The following MPRIP variants were observed in gnomAD, a reference collection of about 807,000 sequenced individuals.
MPRIP encodes the protein myosin phosphatase Rho interacting protein.
A neutral mutation model predicts 234.9 loss-of-function variants in MPRIP; 59 were observed. The ratio of observed to expected loss-of-function variants is 0.25; its 90% CI spans 0.20 to 0.31. MPRIP has a LOEUF of 0.31. Among genes scored for constraint, MPRIP ranks in the 10% least tolerant of loss-of-function variants. The pLI is 1.00. For missense variants in MPRIP, 2,436 were observed against 3,071.0 expected, an observed-to-expected ratio of 0.79 and a Z score of 4.89; for synonymous variants, 1,144 against 1,263.9, an observed-to-expected ratio of 0.91 and a Z score of 2.01.
chr17:17,185,342 C>G lies in MPRIP; in HGVS notation c.*448C>G. 1 of 368,946 alleles carries G rather than the reference C, an allele frequency of 2.7e-6. No individual in the cohort carries two copies. The allele number at this position is 368,946 out of a possible 1,614,324, so 22.9% of individuals were successfully genotyped here. On this transcript the variant is annotated 3_prime_UTR_variant, in exon 24 of 24. Coordinates refer to ENST00000651222, the MANE Select transcript of MPRIP (RefSeq NM_001364716.4). ...AAGCTATGCGGACACTCCAGCTTGG[C>G]CTGGGTCACAGCACTGACTCCTCAC... is the stretch of plus-strand genomic sequence containing the variant.
chr17:17,141,960 A>C (rs2045333190), intron 7 of MPRIP: 2 of 152,156 alleles, frequency 1.3e-5, no homozygotes, highest in Non-Finnish European at 2.9e-5. Flanking sequence ...TTTGATTTGA[A>C]AAAGCAGCGC....
intron 3 of MPRIP, among the ~76,000 whole-genome samples, chr17:17,102,478 G>A (rs940588299): frequency 2.6e-5 from 4 of 152,258 alleles, no homozygotes; most frequent in African/African-American, 9.6e-5. Flanking sequence ...ATTGTGATGG[G>A]GCAGGTGATC....
chr17:17,180,201 C>T, intron 23 of MPRIP, 113 bp downstream of exon 23: 1 of 938,700 alleles, frequency 1.1e-6, no homozygotes, highest in East Asian at 2.5e-5. Context: ...GCCCCAGGGC[C>T]CAGCACTGAG....
chr17:17,127,152 G>T (rs972055840), intron 4 of MPRIP, among the ~76,000 whole-genome samples: 1 of 152,190 alleles, frequency 6.6e-6, no homozygotes, highest in African/African-American at 2.4e-5. Flanking sequence ...CCTGGAAGGG[G>T]ATCAGTCCCT....
chr17:17,078,391 T>A lies in MPRIP; in HGVS notation c.267+315T>A, dbSNP rs2089384919. Among the ~76,000 whole-genome samples the A allele has an allele frequency of 6.6e-6, 1 of 152,244 alleles. No homozygotes were observed. The highest frequency in any genetic ancestry group is 1.5e-5 in the Non-Finnish European group (1 of 68,036). ...TTAGGGGAAAGCAAGGGCAAAGTCC[T>A]GGATCACGTGTGCAGGCTGTGGACC... On this transcript the variant is annotated intron_variant, in intron 3 of 23. Coordinates refer to ENST00000651222, the MANE Select transcript of MPRIP (RefSeq NM_001364716.4). This position sits in a 1 kb window ranked among gnomAD's most constrained non-coding sequence, Gnocchi z 4.3.
At chr17:17,057,601 C>T (rs949576047) in intron 1 of MPRIP, 2 of 717,982 alleles carry the variant, frequency 2.8e-6, no homozygotes, top group African/African-American at 3.5e-5. Flanking sequence ...CTGTTCATCA[C>T]TGTTACCAGT....
At position 17,138,739 on chromosome 17, in the gene MPRIP, G is replaced by T. The variant is rs1033108888; in HGVS notation, c.1250+310G>T. Among the ~76,000 whole-genome samples the T allele has an allele frequency of 1.3e-5, 2 of 152,172 alleles. No homozygotes were observed. The highest frequency in any genetic ancestry group is 2.4e-5 in the African/African-American group (1 of 41,452). On this transcript the variant is annotated intron_variant, in intron 7 of 23. Transcript: ENST00000651222. This position sits in a 1 kb window ranked among gnomAD's most constrained non-coding sequence, Gnocchi z 5.8. Reference sequence around the variant, plus strand: ...CAGCTGCCTGGTCCTTGTGGGGCTGGATCTTTTCCTCCTGGGCCATTTCTA... The same window carrying T: ...CAGCTGCCTGGTCCTTGTGGGGCTGTATCTTTTCCTCCTGGGCCATTTCTA...
At chr17:17,090,646 A>G (rs1411168600) in intron 3 of MPRIP, among the ~76,000 whole-genome samples, 1 of 152,164 alleles carries the variant, frequency 6.6e-6, no homozygotes, top group Non-Finnish European at 1.5e-5. Flanking sequence ...AGCGTCTGTG[A>G]TCAGTGTAGA....
At chr17:17,096,000 C>CCCT (rs2089830296) in intron 3 of MPRIP, among the ~76,000 whole-genome samples, 1 of 152,132 alleles carries the variant, frequency 6.6e-6, no homozygotes, top group South Asian at 2.1e-4. Flanking sequence ...ATACCTCCCC[C>CCCT]CCACACACAC....
intron 3 of MPRIP, among the ~76,000 whole-genome samples, chr17:17,108,990 G>A (rs995840245): frequency 8.5e-5 from 13 of 152,194 alleles, no homozygotes; most frequent in African/African-American, 3.1e-4. Flanking sequence ...TTCTCCCGCC[G>A]GCTGTGGTGC....
chr17:17,176,008 C>T (rs1388815830), intron 20 of MPRIP, among the ~76,000 whole-genome samples: 1 of 152,170 alleles, frequency 6.6e-6, no homozygotes, highest in Admixed American at 6.5e-5. Flanking sequence ...AGCTCCTGCC[C>T]CGAGTCCAGG....
In MPRIP at chr17:17,165,899, C is replaced by A. The variant is rs1270684514; in HGVS notation, c.4308C>A (p.Ser1436Arg). 6.9e-6 allele frequency: 9 copies of A among 1,303,866 alleles called. No homozygotes were observed. Among genetic ancestry groups the A allele is most frequent in the Non-Finnish European group, 9.1e-6 (9 of 988,766 alleles). The allele number at this position is 1,303,866 out of a possible 1,614,324, so 80.8% of individuals were successfully genotyped here. ...EAQLREQLRA[S>R]LLQVGALASQ... The stretch of plus-strand genomic sequence containing the variant: ...AGCTGCGTGAGCAGCTCCGCGCCAG[C>A]CTGCTCCAGGTTGGCGCACTGGCCT... The change falls in exon 16 of 24, where the codon AGC becomes AGA. Residue 1436 changes from serine to arginine, a missense_variant. By Grantham distance (110) the Ser-to-Arg change is moderately radical. Coordinates refer to ENST00000651222, the MANE Select transcript of MPRIP (RefSeq NM_001364716.4).
intron 16 of MPRIP, chr17:17,171,393 G>T: frequency 3.9e-6 from 1 of 255,186 alleles, no homozygotes. Context: ...GGAAGGTCCA[G>T]GGTTGGCTGG....
chr17:17,047,013 A>C (rs1159912732), intron 1 of MPRIP, among the ~76,000 whole-genome samples: 1 of 152,160 alleles, frequency 6.6e-6, no homozygotes, highest in African/African-American at 2.4e-5. Flanking sequence ...CTCTGTCTCT[A>C]CTAAAAATAC....
In MPRIP at chr17:17,042,820, C is replaced by T. The variant is rs1597699694; in HGVS notation, c.-29C>T. 3 of 1,398,318 alleles carry T rather than the reference C, an allele frequency of 2.1e-6. No homozygotes were observed. The highest frequency in any genetic ancestry group is 3.9e-5 in the East Asian group (1 of 25,860). 86.6% of individuals were successfully genotyped at this position (1,398,318 alleles called of 1,614,324 possible). ...CAGGCCGGCCAGGCCTGCGCCGCCG[C>T]CGCCGCCGCCGTCGCCGCCGCGCCG... On this transcript the variant is annotated 5_prime_UTR_variant, in exon 1 of 24. Transcript: ENST00000651222.
At chr17:17,144,232 C>T (rs997927835) in intron 9 of MPRIP, among the ~76,000 whole-genome samples, 1 of 152,240 alleles carries the variant, frequency 6.6e-6, no homozygotes, top group African/African-American at 2.4e-5. Flanking sequence ...CTGGGGCCTG[C>T]TCACTGCCTC....
At chr17:17,183,016 C>T (rs3803762) in intron 23 of MPRIP, 4,101 of 152,450 alleles carry the variant, frequency 0.027, 108 homozygotes, top group East Asian at 0.12. Context: ...GAGAACCCTG[C>T]ACTCTGTGGG....
chr17:17,152,036 A>G (rs2045613536), intron 12 of MPRIP, among the ~76,000 whole-genome samples: 1 of 152,242 alleles, frequency 6.6e-6, no homozygotes, highest in Admixed American at 6.5e-5. Context: ...AGGAGACTGA[A>G]GTATAGACCC....
At chr17:17,141,508 G>T (rs1211823680) in intron 7 of MPRIP, 1 of 152,386 alleles carries the variant, frequency 6.6e-6, no homozygotes, top group Non-Finnish European at 1.5e-5. Flanking sequence ...TTGTGTCTAA[G>T]CGCAGGGAGG....
Sources: allele counts gnomAD v4.1 joint callset (sites outside exome capture counted in the v4.1 genomes callset), GRCh38; gene constraint gnomAD v4.1.1; non-coding constraint Gnocchi (gnomAD v3.1); transcripts MANE v1.5; gene names NCBI Gene and HGNC (gene_info 2026-07-23, HGNC 2026-07-21).